ZFP64: variants seen among roughly 807,000 people sequenced by gnomAD.
ZFP64 encodes ZFP64 zinc finger protein, also known as zinc finger protein 64.
ZFP64 carries 14 observed loss-of-function variants against 51.6 expected under a neutral mutation model. The observed-to-expected ratio is 0.27, with a 90% CI of 0.18 to 0.42. The LOEUF is 0.42. ZFP64 is among the 10% of genes least tolerant of loss of function. The probability of loss-of-function intolerance (pLI) is 1.00; values close to 1 mark genes in which losing one functional copy is unlikely to be tolerated. For synonymous variants in ZFP64, 375 were observed against 361.4 expected, an observed-to-expected ratio of 1.04 and a Z score of -0.43; for missense variants, 754 against 906.8, an observed-to-expected ratio of 0.83 and a Z score of 2.16.
chr20:52,170,333 T>TCCCAGCTA (rs1328057495), intron 2 of ZFP64, among the ~76,000 whole-genome samples: 1 of 151,876 alleles, frequency 6.6e-6, no homozygotes, highest in East Asian at 1.9e-4. Context: ...GCACCTGTAG[T>TCCCAGCTA]CCCAGCTACT....
chr20:52,168,857 C>T (rs2208198), intron 2 of ZFP64, among the ~76,000 whole-genome samples: 136,854 of 152,276 alleles, frequency 0.9, 61,981 homozygotes, highest in African/African-American at 0.98. Context: ...TCAATACATA[C>T]AGTTCCAAAA....
At chr20:52,176,539 G>C (rs954498910) in intron 2 of ZFP64, among the ~76,000 whole-genome samples, 2 of 143,364 alleles carry the variant, frequency 1.4e-5, no homozygotes, top group African/African-American at 2.7e-5. Context: ...GTCTCGCTCT[G>C]TCGCCCAGGC....
chr20:52,156,164 C>T (rs1000403085), intron 5 of ZFP64, among the ~76,000 whole-genome samples: 1 of 152,200 alleles, frequency 6.6e-6, no homozygotes, highest in African/African-American at 2.4e-5. Context: ...AGTTGGGCGT[C>T]GATTATGCCA....
intron 2 of ZFP64, among the ~76,000 whole-genome samples, chr20:52,172,890 T>C (rs1982871058): frequency 6.6e-6 from 1 of 152,220 alleles, no homozygotes; most frequent in Non-Finnish European, 1.5e-5. Flanking sequence ...TTCCCTTCTT[T>C]CCTGCATGTT....
chr20:52,164,753 G>C lies in ZFP64; in HGVS notation c.453C>G (p.Cys151Trp). Residue 151 changes from cysteine (C) to tryptophan (W), a missense_variant, in exon 4 of 6, where the codon TGC (cysteine) becomes TGG (tryptophan). Physicochemically the swap from Cys to Trp is radical, Grantham distance 215 (BLOSUM62 -2). Around this residue, in one of 3 missense-constraint regions of ZFP64, gnomAD observed 231 missense variants for 336.7 expected, o/e 0.69. Transcript: ENST00000216923. The stretch of plus-strand genomic sequence containing the variant: ...TCATGCCATAAGCAGTCTTGAATTG[G>C]CAACCTAAAAAAAAAAAGGAAAGAT... The part of the protein sequence containing the change: ...QKRLNCCYPG[C>W]QFKTAYGMKD... 1 of 1,599,260 alleles carries C rather than the reference G, an allele frequency of 6.3e-7. No homozygotes were observed. The highest frequency in any genetic ancestry group is 8.5e-7 in the Non-Finnish European group (1 of 1,174,580).
chr20:52,111,755 C>T (rs1056587002), intron 5 of ZFP64, among the ~76,000 whole-genome samples: 7 of 152,054 alleles, frequency 4.6e-5, no homozygotes, highest in Admixed American at 2.0e-4. Flanking sequence ...AATGTAGTAA[C>T]TAAAAGCACA....
intron 5 of ZFP64, 129 bp downstream of exon 5, chr20:52,159,994 A>G (rs988135390): frequency 6.7e-7 from 1 of 1,497,748 alleles, no homozygotes; most frequent in Non-Finnish European, 9.0e-7. Flanking sequence ...AAAAAACAAA[A>G]CTGCAAACAA....
intron 5 of ZFP64, chr20:52,098,626 T>C (rs1367820913): frequency 6.2e-7 from 1 of 1,613,280 alleles, no homozygotes; most frequent in Non-Finnish European, 8.5e-7. Flanking sequence ...TTCTCATTTA[T>C]AACCACCATG....
At position 52,151,834 on chromosome 20, in the gene ZFP64, T is replaced by C; in HGVS notation, c.*312A>G. Reference sequence around the variant, plus strand: ...TGGGAGGCTGAGGTGGGCAGATCACTTGAGGTCAGGAGTTCAACATGATGA... The same window carrying C: ...TGGGAGGCTGAGGTGGGCAGATCACCTGAGGTCAGGAGTTCAACATGATGA... On this transcript the variant is annotated 3_prime_UTR_variant, in exon 6 of 6. Transcript: ENST00000216923. 9.4e-7 allele frequency: 1 copy of C among 1,061,726 alleles called. No homozygotes were observed. Among genetic ancestry groups the C allele is most frequent in the Non-Finnish European group, 1.2e-6 (1 of 855,064 alleles). The allele number at this position is 1,061,726 out of a possible 1,614,324, so 65.8% of individuals were successfully genotyped here. A position where few individuals can be genotyped will look rare whatever the true frequency, so the allele number is the denominator to read the frequency against.
At position 52,160,209 on chromosome 20, in the gene ZFP64, G is replaced by A. The variant is rs375838246; in HGVS notation, c.677C>T (p.Ser226Leu). 5 of 1,614,174 alleles carry A rather than the reference G, an allele frequency of 3.1e-6. No homozygotes were observed. Among genetic ancestry groups the A allele is most frequent in the South Asian group, 2.2e-5 (2 of 91,082 alleles). The change falls in exon 5 of 6, where the codon TCG becomes TTG. Residue 226 changes from serine to leucine, a missense_variant. Ser to Leu is a moderately radical substitution (Grantham distance 145, BLOSUM62 -2). Transcript: ENST00000216923. This position sits in a 1 kb window ranked among gnomAD's most constrained non-coding sequence, Gnocchi z 4.2. ...SSLNKHLRIH[S>L]DERPFKCQIC... is the part of the protein sequence containing the mutation. ...CTGGCATTTGAAGGGCCGCTCGTCC[G>A]AGTGGATCCTCAGGTGCTTGTTGAG...
chr20:52,133,086 C>G (rs901969935), intron 5 of ZFP64, among the ~76,000 whole-genome samples: 1 of 152,028 alleles, frequency 6.6e-6, no homozygotes, highest in Non-Finnish European at 1.5e-5. Context: ...ATCATATAAA[C>G]AGAATGAAGG....
rs1460598912 is a variant in ZFP64, at chr20:52,191,767, G to A, written c.-131C>T. On this transcript the variant is annotated 5_prime_UTR_variant, in exon 1 of 6. Transcript: ENST00000216923. The surrounding 1 kb of genome is among the most constrained non-coding windows in gnomAD (Gnocchi z 4.3). ...GCCTTCTCCCAACTCTGCGAGGCGG[G>A]GAGGACGGATGTAAAGCAAGCTGCA... The A allele has an allele frequency of 3.4e-6, 4 of 1,184,114 alleles. No individual in the cohort carries two copies. The highest frequency in any genetic ancestry group is 5.7e-5 in the Admixed American group (2 of 34,784). The allele number at this position is 1,184,114 out of a possible 1,614,324, so 73.4% of individuals were successfully genotyped here.
intron 5 of ZFP64, chr20:52,105,197 G>C (rs980973090): frequency 1.4e-6 from 2 of 1,436,870 alleles, no homozygotes; most frequent in African/African-American, 3.0e-5. Context: ...CGGCTCCTCG[G>C]AGTTGAGGTG....
At chr20:52,190,367 G>T (rs908556870) in intron 1 of ZFP64, among the ~76,000 whole-genome samples, 20 of 152,154 alleles carry the variant, frequency 1.3e-4, no homozygotes, top group African/African-American at 4.8e-4. Context: ...ATAGACCTTC[G>T]TTAGAATCTT....
intron 5 of ZFP64, among the ~76,000 whole-genome samples, chr20:52,109,280 C>T (rs1276510698): frequency 1.3e-5 from 2 of 152,064 alleles, no homozygotes; most frequent in Non-Finnish European, 1.5e-5. Flanking sequence ...TCTCCTGCCT[C>T]AGCCTCCCGA....
At chr20:52,181,012 T>C (rs59971276) in intron 2 of ZFP64, among the ~76,000 whole-genome samples, 12,795 of 152,234 alleles carry the variant, frequency 0.084, 587 homozygotes, top group Non-Finnish European at 0.1. Context: ...CTGCAGTCTC[T>C]GCTCACTGCA....
At position 52,153,605 on chromosome 20, in the gene ZFP64, C is replaced by A. The variant is rs6126483; in HGVS notation, c.764-177G>T. Among the ~76,000 whole-genome samples the A allele has an allele frequency of 6.6e-6, 1 of 152,110 alleles. No individual in the cohort carries two copies. Among genetic ancestry groups the A allele is most frequent in the Admixed American group, 6.6e-5 (1 of 15,256 alleles). ...GGGGCAGGGCGTCTTTATCTTTCCC[C>A]GGAACCCAAACCACCACCACCGGTA... is the stretch of plus-strand genomic sequence containing the variant. On this transcript the variant is annotated intron_variant, in intron 5 of 5. Coordinates refer to ENST00000216923, the MANE Select transcript of ZFP64 (RefSeq NM_018197.3). The surrounding 1 kb of genome is among the most constrained non-coding windows in gnomAD (Gnocchi z 5.1).
Position 52,160,451 on chromosome 20 carries a change from C to A in ZFP64, c.512-77G>T, listed in dbSNP as rs568248583. ...AAAAGGCTTATTTCCCACTGCCTTA[C>A]GAAAAAAGTCATATACAACCACCGA... On this transcript the variant is annotated intron_variant, in intron 4 of 5. Coordinates refer to ENST00000216923, the MANE Select transcript of ZFP64 (RefSeq NM_018197.3). This position sits in a 1 kb window ranked among gnomAD's most constrained non-coding sequence, Gnocchi z 4.2. 1.2e-5 allele frequency: 18 copies of A among 1,511,580 alleles called. No homozygotes were observed. In the South Asian group the frequency reaches 1.2e-4, roughly 10 times the overall value. The allele number at this position is 1,511,580 out of a possible 1,614,324, so 93.6% of individuals were successfully genotyped here. A position where few individuals can be genotyped will look rare whatever the true frequency, so the allele number is the denominator to read the frequency against.
intron 5 of ZFP64, among the ~76,000 whole-genome samples, chr20:52,109,845 C>T (rs1702769665): frequency 6.7e-6 from 1 of 149,406 alleles, no homozygotes; most frequent in African/African-American, 2.5e-5. Context: ...GACTGAGGTT[C>T]TTATAGGTGA....
Sources: allele counts gnomAD v4.1 joint callset (sites outside exome capture counted in the v4.1 genomes callset), GRCh38; gene constraint gnomAD v4.1.1; regional missense constraint gnomAD v4.1.1; non-coding constraint Gnocchi (gnomAD v3.1); transcripts MANE v1.5; gene names NCBI Gene and HGNC (gene_info 2026-07-23, HGNC 2026-07-21).